The following LEF1 variants were observed in gnomAD, a reference collection of about 807,000 sequenced individuals.
LEF1 encodes the protein lymphoid enhancer binding factor 1, also known as lymphoid enhancer-binding factor 1.
Under a neutral mutation model 51.2 loss-of-function variants are expected in LEF1, and 14 were observed. The ratio of observed to expected loss-of-function variants is 0.27; its 90% CI spans 0.18 to 0.43. The LOEUF is 0.43. Ranked by LOEUF, LEF1 falls within the 20% of genes least tolerant of loss-of-function variation. LEF1 has a pLI of 1.00. For missense variants in LEF1, 386 were observed against 512.0 expected (o/e 0.75, Z 2.37); for synonymous variants, 185 against 183.2 (o/e 1.01, Z -0.08).
intron 2 of LEF1, among the ~76,000 whole-genome samples, chr4:108,164,755 T>C (rs1018527444): frequency 6.6e-6 from 1 of 152,170 alleles, no homozygotes; most frequent in African/African-American, 2.4e-5. Flanking sequence ...TATACTGTCG[T>C]TCTTCTTAAT....
At chr4:108,072,592 C>T (rs1412058049) in intron 8 of LEF1, among the ~76,000 whole-genome samples, 1 of 152,128 alleles carries the variant, frequency 6.6e-6, no homozygotes, top group African/African-American at 2.4e-5. Context: ...TGCCCTGAGC[C>T]TAAAGCAAAT....
chr4:108,153,440 T>C (rs1439228921), intron 3 of LEF1, among the ~76,000 whole-genome samples: 7 of 152,232 alleles, frequency 4.6e-5, no homozygotes, highest in African/African-American at 1.7e-4. Flanking sequence ...TTATTAATAA[T>C]AAAGCTGATA....
At chr4:108,128,693 T>C (rs1273369121) in intron 3 of LEF1, among the ~76,000 whole-genome samples, 1 of 152,200 alleles carries the variant, frequency 6.6e-6, no homozygotes, top group African/African-American at 2.4e-5. Context: ...ATTGAAAAGA[T>C]AATCGGTATG....
intron 3 of LEF1, among the ~76,000 whole-genome samples, chr4:108,092,367 G>A (rs1360686789): frequency 6.6e-6 from 1 of 152,166 alleles, no homozygotes. Context: ...AGAATTCCAA[G>A]GGTTATGGTT....
At position 108,070,775 on chromosome 4, in the gene LEF1, AAC is replaced by A; in HGVS notation, c.1009-7_1009-6del. ...TTCACGGGAGAGGGCATGCCACTAA[AAC>A]AGAGAGGAAGGAAGAAAAAAACAAA... On this transcript the variant is annotated splice_region_variant and splice_polypyrimidine_tract_variant and intron_variant, in intron 8 of 11. Coordinates refer to ENST00000265165, the MANE Select transcript of LEF1 (RefSeq NM_016269.5). The A allele has an allele frequency of 6.3e-7, 1 of 1,595,494 alleles. No individual in the cohort carries two copies. Among genetic ancestry groups the A allele is most frequent in the Non-Finnish European group, 8.6e-7 (1 of 1,165,320 alleles).
chr4:108,080,662 T>C (rs1293270156), intron 6 of LEF1, among the ~76,000 whole-genome samples: 2 of 152,132 alleles, frequency 1.3e-5, no homozygotes, highest in Non-Finnish European at 2.9e-5. Flanking sequence ...TGTTAAAAAG[T>C]ATAAAAATAT....
chr4:108,060,292 G>A (rs1210788815), intron 11 of LEF1, among the ~76,000 whole-genome samples: 1 of 151,980 alleles, frequency 6.6e-6, no homozygotes, highest in Admixed American at 6.6e-5. Flanking sequence ...TATAAATTAG[G>A]AAATAAAAAA....
intron 3 of LEF1, among the ~76,000 whole-genome samples, chr4:108,145,314 T>TA (rs1743932383): frequency 6.6e-6 from 1 of 152,162 alleles, no homozygotes; most frequent in Admixed American, 6.5e-5. Context: ...ATCAACCCTT[T>TA]AAGAGCTTGC....
intron 9 of LEF1, among the ~76,000 whole-genome samples, chr4:108,068,391 C>T (rs773346983): frequency 1.8e-4 from 28 of 152,178 alleles, no homozygotes; most frequent in Middle Eastern, 3.2e-3. Context: ...AAAACTTCAG[C>T]TTAGCCACCT....
chr4:108,060,321 A>G (rs560415185), intron 11 of LEF1, among the ~76,000 whole-genome samples: 1 of 152,222 alleles, frequency 6.6e-6, no homozygotes, highest in Non-Finnish European at 1.5e-5. Context: ...GAGTCCCTAT[A>G]ATAACACTGG....
chr4:108,106,418 G>A (rs1741171159), intron 3 of LEF1, among the ~76,000 whole-genome samples: 1 of 152,140 alleles, frequency 6.6e-6, no homozygotes, highest in Non-Finnish European at 1.5e-5. Flanking sequence ...GAAAGGCCAG[G>A]AGAAAGAGGC....
chr4:108,121,381 C>T (rs1357965253), intron 3 of LEF1, among the ~76,000 whole-genome samples: 2 of 152,274 alleles, frequency 1.3e-5, no homozygotes, highest in South Asian at 4.1e-4. Flanking sequence ...CTAAAAATGT[C>T]TCAGGGACCC....
At chr4:108,049,196 A>T (rs1263856988) in intron 11 of LEF1, among the ~76,000 whole-genome samples, 1 of 152,190 alleles carries the variant, frequency 6.6e-6, no homozygotes, top group Non-Finnish European at 1.5e-5. Flanking sequence ...TAATCACATT[A>T]CCCAACGCAC....
chr4:108,167,808 C>G lies in LEF1; in HGVS notation c.-41G>C, dbSNP rs374564051. 1.0e-4 allele frequency: 158 copies of G among 1,559,644 alleles called. No homozygotes were observed. In the African/African-American group the frequency reaches 1.8e-3, roughly 18 times the overall value. On this transcript the variant is annotated 5_prime_UTR_variant, in exon 1 of 12. Transcript: ENST00000265165. This position sits in a 1 kb window ranked among gnomAD's most constrained non-coding sequence, Gnocchi z 5.7. ...ATCTCCGCTCCGCTGTGGGAGCACCCGCGCAACAGCAGGAAAGACAGAGGG... is the reference window on the plus strand; with the variant it reads ...ATCTCCGCTCCGCTGTGGGAGCACCGGCGCAACAGCAGGAAAGACAGAGGG...
At position 108,163,548 on chromosome 4, in the gene LEF1, A is replaced by G. The variant is rs1250952489; in HGVS notation, c.414+20T>C. 6.2e-7 allele frequency: 1 copy of G among 1,605,216 alleles called. No individual in the cohort carries two copies. The highest frequency in any genetic ancestry group is 8.5e-7 in the Non-Finnish European group (1 of 1,176,312). On this transcript the variant is annotated intron_variant, in intron 3 of 11. Coordinates refer to ENST00000265165, the MANE Select transcript of LEF1 (RefSeq NM_016269.5). ...ATTTGCACTTCTGAACATAATTTGC[A>G]ACATCAGCATGTTACTTACTGTTCT...
At chr4:108,128,511 T>C (rs1179098736) in intron 3 of LEF1, among the ~76,000 whole-genome samples, 1 of 151,902 alleles carries the variant, frequency 6.6e-6, no homozygotes, top group Non-Finnish European at 1.5e-5. Context: ...GGAAGGGCTT[T>C]TTTTTTTTTC....
chr4:108,133,253 C>T (rs1292617091), intron 3 of LEF1, among the ~76,000 whole-genome samples: 1 of 152,100 alleles, frequency 6.6e-6, no homozygotes, highest in Non-Finnish European at 1.5e-5. Flanking sequence ...CAGGTGATGC[C>T]GATGTGGCTG....
At chr4:108,166,474 C>A (rs938249508) in intron 1 of LEF1, 1 of 1,382,714 alleles carries the variant, frequency 7.2e-7, no homozygotes, top group Non-Finnish European at 9.3e-7. Flanking sequence ...ACTTTTCTAC[C>A]GGATTTCCTC....
intron 4 of LEF1, among the ~76,000 whole-genome samples, chr4:108,084,797 T>C (rs371622508): frequency 6.6e-6 from 1 of 152,152 alleles, no homozygotes. Flanking sequence ...TTTTTTACCC[T>C]AGGATTTTTT....
Sources: allele counts gnomAD v4.1 joint callset (sites outside exome capture counted in the v4.1 genomes callset), GRCh38; gene constraint gnomAD v4.1.1; non-coding constraint Gnocchi (gnomAD v3.1); transcripts MANE v1.5; gene names NCBI Gene and HGNC (gene_info 2026-07-23, HGNC 2026-07-21).